Variants in GRAMD1B observed in about 807,000 individuals in gnomAD.
GRAMD1B encodes the protein GRAM domain containing 1B.
In GRAMD1B, 37 loss-of-function variants were observed where a neutral mutation model predicts 99.7. That is an observed-to-expected ratio of 0.37 (90% CI 0.29 to 0.49). The LOEUF is 0.49. Ranked by LOEUF, GRAMD1B falls within the 20% of genes least tolerant of loss-of-function variation. The probability of loss-of-function intolerance (pLI) is 0.98; values close to 1 mark genes in which losing one functional copy is unlikely to be tolerated. For missense variants in GRAMD1B, 888 were observed against 1,009.2 expected, an observed-to-expected ratio of 0.88 and a Z score of 1.63; for synonymous variants, 427 against 387.6, an observed-to-expected ratio of 1.10 and a Z score of -1.19.
At chr11:123,416,861 A>C (rs1948247623) in intron 1 of GRAMD1B, among the ~76,000 whole-genome samples, 1 of 152,234 alleles carries the variant, frequency 6.6e-6, no homozygotes, top group South Asian at 2.1e-4. Context: ...TATCTTCCAC[A>C]ATAAGCCCTT....
chr11:123,395,305 A>C (rs1268425180), intron 1 of GRAMD1B, among the ~76,000 whole-genome samples: 2 of 152,104 alleles, frequency 1.3e-5, no homozygotes, highest in Non-Finnish European at 2.9e-5. Context: ...GCTAAACATA[A>C]ATAAAATTAA....
chr11:123,598,004 G>T, intron 7 of GRAMD1B: 1 of 1,252,552 alleles, frequency 8.0e-7, no homozygotes, highest in Non-Finnish European at 1.2e-6. Flanking sequence ...ATTCCCACTT[G>T]AGTCTTCATA....
chr11:123,401,400 C>T (rs758380554), intron 1 of GRAMD1B, among the ~76,000 whole-genome samples: 1 of 152,260 alleles, frequency 6.6e-6, no homozygotes, highest in Non-Finnish European at 1.5e-5. Flanking sequence ...CACAGTCACT[C>T]AGTAGGCAGG....
chr11:123,418,939 A>G (rs958543109), intron 1 of GRAMD1B, among the ~76,000 whole-genome samples: 3 of 152,232 alleles, frequency 2.0e-5, no homozygotes, highest in African/African-American at 7.2e-5. Flanking sequence ...TGAATGGGAC[A>G]TAAATCCTGT....
At chr11:123,374,530 A>G (rs1160350045) in intron 1 of GRAMD1B, among the ~76,000 whole-genome samples, 1 of 152,236 alleles carries the variant, frequency 6.6e-6, no homozygotes, top group East Asian at 1.9e-4. Flanking sequence ...TAATGCAGGA[A>G]GGGCAAGTTA....
At chr11:123,613,782 G>C in intron 16 of GRAMD1B, 124 bp downstream of exon 16, 1 of 680,184 alleles carries the variant, frequency 1.5e-6, no homozygotes, top group African/African-American at 1.8e-5. Context: ...TAATTTGAAC[G>C]TAAGTCACTA....
chr11:123,621,855 G>GTCTTTCTT (rs138445124), intron 19 of GRAMD1B, among the ~76,000 whole-genome samples: 8,919 of 138,956 alleles, frequency 0.064, 337 homozygotes, highest in African/African-American at 0.11. Flanking sequence ...ATGCTAGATT[G>GTCTTTCTT]TCTTTCTTTC....
chr11:123,627,201 GAC>G lies in GRAMD1B; in HGVS notation c.*4608_*4609del, dbSNP rs1955544391. 2 of 152,256 alleles carry G rather than the reference GAC, an allele frequency of 1.3e-5. No homozygotes were observed. Among genetic ancestry groups the G allele is most frequent in the African/African-American group, 4.8e-5 (2 of 41,458 alleles). 9.4% of individuals were successfully genotyped at this position (152,256 alleles called of 1,614,324 possible). A position where few individuals can be genotyped will look rare whatever the true frequency, so the allele number is the denominator to read the frequency against. ...CTCCTTGCTTCTCTCAATACAATAA[GAC>G]ATTGCAGAAGCAAAAGGGTGGCCTC... On this transcript the variant is annotated 3_prime_UTR_variant, in exon 20 of 20. Coordinates refer to ENST00000635736, the MANE Select transcript of GRAMD1B (RefSeq NM_001387025.1).
intron 2 of GRAMD1B, among the ~76,000 whole-genome samples, chr11:123,540,599 GTTGT>G (rs200415544): frequency 0.1 from 2,739 of 27,358 alleles, 74 homozygotes; most frequent in African/African-American, 0.27. Flanking sequence ...TTGTTTGACT[GTTGT>G]TTTTTTTTTA....
chr11:123,445,792 C>T (rs1949609842), intron 1 of GRAMD1B, among the ~76,000 whole-genome samples: 1 of 127,368 alleles, frequency 7.9e-6, no homozygotes, highest in South Asian at 2.5e-4. Context: ...GCACTTCAGC[C>T]TGGGGAACAG....
intron 1 of GRAMD1B, among the ~76,000 whole-genome samples, chr11:123,422,890 T>C (rs1320640772): frequency 2.0e-5 from 3 of 152,158 alleles, no homozygotes; most frequent in Non-Finnish European, 2.9e-5. Flanking sequence ...TACACATTTC[T>C]CCTGAAGTAA....
chr11:123,380,351 T>C (rs967950372), intron 1 of GRAMD1B, among the ~76,000 whole-genome samples: 1 of 152,328 alleles, frequency 6.6e-6, no homozygotes, highest in East Asian at 1.9e-4. Flanking sequence ...AAAAAGCAAG[T>C]TGTATGACAT....
At chr11:123,561,214 A>T (rs1431648251) in intron 2 of GRAMD1B, among the ~76,000 whole-genome samples, 2 of 152,140 alleles carry the variant, frequency 1.3e-5, no homozygotes, top group Non-Finnish European at 2.9e-5. Flanking sequence ...ACTGGCTGAG[A>T]GCTTCTGGGG....
chr11:123,477,644 C>T (rs985753777), intron 1 of GRAMD1B, among the ~76,000 whole-genome samples: 8 of 145,468 alleles, frequency 5.5e-5, no homozygotes, highest in African/African-American at 2.0e-4. Context: ...CCTCCCTTCC[C>T]TCCCTTCCCC....
At chr11:123,416,197 C>T (rs1457872455) in intron 1 of GRAMD1B, among the ~76,000 whole-genome samples, 1 of 152,086 alleles carries the variant, frequency 6.6e-6, no homozygotes, top group Non-Finnish European at 1.5e-5. Context: ...TTAGCTATAC[C>T]AGTTGCTTCT....
intron 1 of GRAMD1B, among the ~76,000 whole-genome samples, chr11:123,466,151 CTGTTA>C (rs564382390): frequency 6.9e-4 from 105 of 152,052 alleles, no homozygotes; most frequent in African/African-American, 2.5e-3. Flanking sequence ...TGGTGGACGC[CTGTTA>C]TATCAGCTAC....
At chr11:123,413,310 G>A (rs1333445436) in intron 1 of GRAMD1B, among the ~76,000 whole-genome samples, 3 of 152,094 alleles carry the variant, frequency 2.0e-5, no homozygotes, top group Non-Finnish European at 4.4e-5. Flanking sequence ...CTGAGAAATG[G>A]AGCAAAGCAT....
chr11:123,530,860 C>A (rs1351123835), intron 2 of GRAMD1B, among the ~76,000 whole-genome samples: 1 of 152,156 alleles, frequency 6.6e-6, no homozygotes, highest in East Asian at 1.9e-4. Context: ...TGAACCAGAA[C>A]CCTGTAATCA....
intron 2 of GRAMD1B, chr11:123,560,553 GCCCCCGCTCCCCGCCCCCGC>G: frequency 9.4e-7 from 1 of 1,068,134 alleles, no homozygotes; most frequent in Non-Finnish European, 1.3e-6. Context: ...CCTCCTCAGG[GCCCCCGCTCCCCGCCCCCGC>G]CCCCCACTGC....
Sources: gnomAD v4.1 joint callset for allele counts (sites outside exome capture counted in the v4.1 genomes callset) on GRCh38, gnomAD v4.1.1 for gene constraint, MANE v1.5 for transcripts, NCBI Gene and HGNC (gene_info 2026-07-23, HGNC 2026-07-21) for gene names.